Variants in RGS5 observed in about 807,000 individuals in gnomAD.
RGS5 encodes the protein regulator of G protein signaling 5, also known as regulator of G-protein signalling 5.
Under a neutral mutation model 18.9 loss-of-function variants are expected in RGS5, and 20 were observed. The observed-to-expected ratio is 1.06, with a 90% CI of 0.74 to 1.54. The LOEUF (loss-of-function observed/expected upper bound fraction) is 1.54, where lower values mean the gene tolerates loss of function less well. RGS5 is among the 40% of genes most tolerant of loss of function. RGS5 has a pLI of 0.00. For missense variants in RGS5, 201 were observed against 211.8 expected (o/e 0.95, Z 0.32); for synonymous variants, 57 against 76.2 (o/e 0.75, Z 1.31).
intron 2 of RGS5, among the ~76,000 whole-genome samples, chr1:163,247,327 G>T (rs1278510038): frequency 6.6e-6 from 1 of 152,144 alleles, no homozygotes; most frequent in Non-Finnish European, 1.5e-5. Flanking sequence ...GAATTGTTGA[G>T]CTTTCAAGGT....
intron 1 of RGS5, among the ~76,000 whole-genome samples, chr1:163,193,222 T>C (rs560636219): frequency 6.6e-6 from 1 of 152,300 alleles, no homozygotes; most frequent in African/African-American, 2.4e-5. Flanking sequence ...GGTGCTGTTT[T>C]GAGCAGCGCC....
rs116135873 is a variant in RGS5 at position 163,197,332 on chromosome 1, C to T, written c.44+5460G>A. On this transcript the variant is annotated intron_variant, in intron 1 of 4. Coordinates refer to ENST00000313961, the MANE Select transcript of RGS5 (RefSeq NM_003617.4). ...TCTTCCTGTCTAGACCTGGCTAACT[C>T]CTCTGTCCTCTTAGACTTTCTTCAA... 9.1e-3 allele frequency among the ~76,000 whole-genome samples: 1,383 copies of T among 152,190 alleles called. 18 individuals carry two copies. The highest frequency in any genetic ancestry group is 0.031 in the African/African-American group (1,300 of 41,540).
chr1:163,162,175 G>T (rs919629789), intron 2 of RGS5, among the ~76,000 whole-genome samples, 199 bp from the exon 3 acceptor site: 1 of 152,068 alleles, frequency 6.6e-6, no homozygotes, highest in Non-Finnish European at 1.5e-5. Flanking sequence ...CATCTTTATT[G>T]CATATCTTCA....
At chr1:163,280,780 G>A (rs1048306309) in intron 2 of RGS5, among the ~76,000 whole-genome samples, 1 of 152,070 alleles carries the variant, frequency 6.6e-6, no homozygotes, top group Non-Finnish European at 1.5e-5. Flanking sequence ...CCTAAAATTT[G>A]TATAGAACTG....
chr1:163,150,816 A>G (rs1484320674), intron 4 of RGS5, among the ~76,000 whole-genome samples: 2 of 152,140 alleles, frequency 1.3e-5, no homozygotes, highest in Non-Finnish European at 2.9e-5. Flanking sequence ...CCACTCAAAC[A>G]CATTTAGGGT....
intron 2 of RGS5, among the ~76,000 whole-genome samples, chr1:163,233,019 C>T (rs986154950): frequency 2.0e-5 from 3 of 152,166 alleles, no homozygotes; most frequent in African/African-American, 7.2e-5. Flanking sequence ...AATCCAAGAT[C>T]AATTTCATTA....
At chr1:163,251,345 T>C (rs1213587269) in intron 2 of RGS5, among the ~76,000 whole-genome samples, 1 of 152,172 alleles carries the variant, frequency 6.6e-6, no homozygotes, top group African/African-American at 2.4e-5. Flanking sequence ...AGAGAAGATA[T>C]ATTTAGACCT....
At chr1:163,216,181 A>G (rs1354278165) in intron 1 of RGS5, among the ~76,000 whole-genome samples, 1 of 152,176 alleles carries the variant, frequency 6.6e-6, no homozygotes, top group African/African-American at 2.4e-5. Context: ...GGAGTCGGGA[A>G]GGAACCCATG....
chr1:163,215,350 C>T (rs1190611721), intron 1 of RGS5, among the ~76,000 whole-genome samples: 5 of 152,162 alleles, frequency 3.3e-5, no homozygotes, highest in African/African-American at 1.2e-4. Context: ...GTTATCCAAA[C>T]TCTCTGATGT....
At chr1:163,255,504 G>A (rs1571322265) in intron 2 of RGS5, among the ~76,000 whole-genome samples, 1 of 151,762 alleles carries the variant, frequency 6.6e-6, no homozygotes, top group East Asian at 1.9e-4. Context: ...AGGACCAGAT[G>A]GATTCACAGC....
At chr1:163,254,743 A>G (rs1648222290) in intron 2 of RGS5, among the ~76,000 whole-genome samples, 1 of 152,074 alleles carries the variant, frequency 6.6e-6, no homozygotes, top group Non-Finnish European at 1.5e-5. Context: ...CCTGAATGGT[A>G]ATGCCTAGGT....
chr1:163,256,804 G>GT (rs1221506930), intron 2 of RGS5, among the ~76,000 whole-genome samples: 2 of 152,292 alleles, frequency 1.3e-5, no homozygotes, highest in African/African-American at 4.8e-5. Flanking sequence ...CAAGAAAGAG[G>GT]TAAGTGTGTC....
intron 1 of RGS5, among the ~76,000 whole-genome samples, chr1:163,197,867 G>A (rs1298992334): frequency 6.6e-6 from 1 of 152,094 alleles, no homozygotes; most frequent in Admixed American, 6.5e-5. Flanking sequence ...CATTCCAATT[G>A]AGCTATCAGT....
At chr1:163,162,830 G>A (rs1189634747) in intron 2 of RGS5, 1 of 152,128 alleles carries the variant, frequency 6.6e-6, no homozygotes, top group Admixed American at 6.6e-5. Context: ...AAAAATGGCT[G>A]ACTGCACACT....
intron 2 of RGS5, among the ~76,000 whole-genome samples, chr1:163,279,698 C>T (rs1305923996): frequency 6.6e-6 from 1 of 151,616 alleles, no homozygotes; most frequent in African/African-American, 2.4e-5. Flanking sequence ...GACTTTAAAA[C>T]ACAAAACAAA....
At chr1:163,266,641 C>G (rs1029867560) in intron 2 of RGS5, 2 of 152,138 alleles carry the variant, frequency 1.3e-5, no homozygotes, top group African/African-American at 4.8e-5. Context: ...GTATGTCACT[C>G]CATCTACCAC....
chr1:163,187,719 C>T (rs1659155633), intron 1 of RGS5, among the ~76,000 whole-genome samples: 1 of 152,142 alleles, frequency 6.6e-6, no homozygotes, highest in African/African-American at 2.4e-5. Context: ...GTGTCTCTTC[C>T]TCTGTATCCT....
intron 2 of RGS5, among the ~76,000 whole-genome samples, chr1:163,259,635 C>T (rs1223300409): frequency 6.6e-6 from 1 of 152,114 alleles, no homozygotes; most frequent in African/African-American, 2.4e-5. Context: ...CTCCTAAAAG[C>T]TGGAAGGAGT....
At chr1:163,301,169 C>T (rs1249321481) in intron 2 of RGS5, among the ~76,000 whole-genome samples, 1 of 152,148 alleles carries the variant, frequency 6.6e-6, no homozygotes, top group African/African-American at 2.4e-5. Flanking sequence ...CAGCCTTTGA[C>T]AGGGCACAGG....
Sources: gnomAD v4.1 joint callset for allele counts (sites outside exome capture counted in the v4.1 genomes callset) on GRCh38, gnomAD v4.1.1 for gene constraint, MANE v1.5 for transcripts, NCBI Gene and HGNC (gene_info 2026-07-23, HGNC 2026-07-21) for gene names.